The following NKAIN2 variants were observed in gnomAD, a reference collection of about 807,000 sequenced individuals.
The protein encoded by NKAIN2 is sodium/potassium-transporting ATPase subunit beta-1-interacting protein 2.
NKAIN2 carries 14 observed loss-of-function variants against 32.6 expected under a neutral mutation model. The observed-to-expected ratio is 0.43, with a 90% CI of 0.28 to 0.67. NKAIN2 has a LOEUF of 0.67. Ranked by LOEUF, NKAIN2 falls within the 30% of genes least tolerant of loss-of-function variation. The pLI is 0.17. For synonymous variants in NKAIN2, 80 were observed against 87.2 expected (o/e 0.92, Z 0.46); for missense variants, 198 against 258.3 (o/e 0.77, Z 1.60).
chr6:124,720,635 C>G (rs1775965189), intron 4 of NKAIN2, among the ~76,000 whole-genome samples: 1 of 151,984 alleles, frequency 6.6e-6, no homozygotes, highest in Non-Finnish European at 1.5e-5. Context: ...AGCATAGAGC[C>G]CTATTTGGAT....
chr6:123,913,595 T>A (rs1775332029), intron 1 of NKAIN2, among the ~76,000 whole-genome samples: 1 of 152,204 alleles, frequency 6.6e-6, no homozygotes, highest in Non-Finnish European at 1.5e-5. Flanking sequence ...AGGTTTAGAA[T>A]GACCCTTTCA....
chr6:124,508,712 T>C (rs892324093), intron 3 of NKAIN2, among the ~76,000 whole-genome samples: 5 of 152,144 alleles, frequency 3.3e-5, no homozygotes, highest in Admixed American at 1.3e-4. Flanking sequence ...AAATTATTAT[T>C]ATGCAGTTCT....
chr6:123,991,966 TA>T (rs200502883), intron 1 of NKAIN2, among the ~76,000 whole-genome samples: 30 of 151,366 alleles, frequency 2.0e-4, no homozygotes, highest in Admixed American at 8.6e-4. Flanking sequence ...TTGGCTAGGT[TA>T]AAAAAAAAGT....
chr6:124,823,142 G>A (rs966837858), intron 6 of NKAIN2, 78 bp from the exon 7 acceptor site: 1 of 974,620 alleles, frequency 1.0e-6, no homozygotes, highest in African/African-American at 1.6e-5. Flanking sequence ...CTTGTGCTTG[G>A]AAAGGTGAGA....
intron 1 of NKAIN2, among the ~76,000 whole-genome samples, chr6:124,028,902 TACAC>T (rs1490279818): frequency 2.5e-5 from 2 of 81,286 alleles, no homozygotes; most frequent in African/African-American, 1.1e-4. Context: ...TATATATATA[TACAC>T]ATATATGTAT....
intron 1 of NKAIN2, among the ~76,000 whole-genome samples, chr6:124,165,317 T>A (rs987924261): frequency 1.3e-5 from 2 of 152,082 alleles, no homozygotes; most frequent in African/African-American, 4.8e-5. Flanking sequence ...ATGGGCTTAA[T>A]AAAATGTTGC....
intron 2 of NKAIN2, among the ~76,000 whole-genome samples, chr6:124,311,500 A>G (rs1348913764): frequency 6.6e-6 from 1 of 152,114 alleles, no homozygotes; most frequent in Non-Finnish European, 1.5e-5. Context: ...CCATGGAAAA[A>G]TCATAGATTT....
intron 1 of NKAIN2, among the ~76,000 whole-genome samples, chr6:124,209,888 C>T (rs1033527253): frequency 1.3e-5 from 2 of 151,784 alleles, no homozygotes; most frequent in South Asian, 2.1e-4. Context: ...TATTTTCTCC[C>T]CTTCTGTGGG....
At chr6:124,207,189 G>A (rs1790937134) in intron 1 of NKAIN2, among the ~76,000 whole-genome samples, 1 of 151,560 alleles carries the variant, frequency 6.6e-6, no homozygotes, top group Non-Finnish European at 1.5e-5. Flanking sequence ...CTACTTGGGG[G>A]GCTGAGGTGG....
intron 3 of NKAIN2, among the ~76,000 whole-genome samples, chr6:124,559,700 CCTT>C (rs1780613678): frequency 6.6e-6 from 1 of 152,070 alleles, no homozygotes; most frequent in Non-Finnish European, 1.5e-5. Context: ...ATTTTTTCCT[CCTT>C]CTATCATGCC....
chr6:124,437,044 A>T (rs1583250623), intron 3 of NKAIN2, among the ~76,000 whole-genome samples: 1 of 152,122 alleles, frequency 6.6e-6, no homozygotes, highest in Admixed American at 6.6e-5. Context: ...TTTCCTCTGG[A>T]ACATATGCAT....
chr6:124,560,031 A>G (rs1466337466), intron 3 of NKAIN2, among the ~76,000 whole-genome samples: 2 of 151,908 alleles, frequency 1.3e-5, no homozygotes, highest in Non-Finnish European at 2.9e-5. Flanking sequence ...GTTCCTGTAT[A>G]TGGTATTAAA....
At chr6:123,980,131 G>A (rs1054531649) in intron 1 of NKAIN2, among the ~76,000 whole-genome samples, 8 of 152,094 alleles carry the variant, frequency 5.3e-5, no homozygotes, top group African/African-American at 1.9e-4. Context: ...TATAATTGCT[G>A]TTGTTTTCTT....
At chr6:124,195,487 A>C (rs1790270695) in intron 1 of NKAIN2, among the ~76,000 whole-genome samples, 1 of 152,114 alleles carries the variant, frequency 6.6e-6, no homozygotes, top group Non-Finnish European at 1.5e-5. Context: ...ATTTGATTTA[A>C]TAACTGCACA....
At chr6:124,379,709 T>C (rs1772540065) in intron 3 of NKAIN2, among the ~76,000 whole-genome samples, 1 of 152,128 alleles carries the variant, frequency 6.6e-6, no homozygotes, top group Non-Finnish European at 1.5e-5. Context: ...ATGTGTGATA[T>C]CATCTTGAAA....
chr6:123,883,795 TG>T (rs1773579851), intron 1 of NKAIN2, among the ~76,000 whole-genome samples: 2 of 144,520 alleles, frequency 1.4e-5, no homozygotes, highest in Admixed American at 7.2e-5. Flanking sequence ...CTCGGGAAGC[TG>T]GGGCAGGAGA....
At chr6:123,960,807 C>T (rs922964242) in intron 1 of NKAIN2, among the ~76,000 whole-genome samples, 9 of 151,904 alleles carry the variant, frequency 5.9e-5, no homozygotes, top group South Asian at 4.2e-4. Flanking sequence ...TGAATGAGAA[C>T]GTAATGATGG....
chr6:123,873,246 G>T (rs1388492889), intron 1 of NKAIN2, among the ~76,000 whole-genome samples: 4 of 117,786 alleles, frequency 3.4e-5, no homozygotes, highest in Admixed American at 1.3e-4. Flanking sequence ...TGATATGAAA[G>T]AGCCAAGCAT....
intron 4 of NKAIN2, among the ~76,000 whole-genome samples, chr6:124,771,752 T>G (rs1778769732): frequency 6.6e-6 from 1 of 152,200 alleles, no homozygotes; most frequent in African/African-American, 2.4e-5. Flanking sequence ...AATCTAAATT[T>G]TTTTTAAAAA....
Sources: gnomAD v4.1 joint callset for allele counts (sites outside exome capture counted in the v4.1 genomes callset) on GRCh38, gnomAD v4.1.1 for gene constraint, MANE v1.5 for transcripts, NCBI Gene and HGNC (gene_info 2026-07-23, HGNC 2026-07-21) for gene names.